CAMK2G: variants seen among roughly 807,000 people sequenced by gnomAD.
CAMK2G encodes calcium/calmodulin dependent protein kinase II gamma, also known as calcium/calmodulin-dependent protein kinase type II subunit gamma.
CAMK2G carries 23 observed loss-of-function variants against 88.7 expected under a neutral mutation model. The observed-to-expected ratio is 0.26, with a 90% CI of 0.19 to 0.37. The LOEUF (loss-of-function observed/expected upper bound fraction) is 0.37. CAMK2G is among the 10% of genes least tolerant of loss of function. The pLI is 1.00. For missense variants in CAMK2G, 476 were observed against 780.8 expected (o/e 0.61, Z 4.65); for synonymous variants, 263 against 294.8 (o/e 0.89, Z 1.11).
rs1457870172 is a variant in CAMK2G, at chr10:73,842,301, G to A, written c.904-90C>T. ...CAAAGGCAGGTCCTGGCTAGAGCCT[G>A]AAGACATCAGGCCTCTGGGCCCCCT... On this transcript the variant is annotated intron_variant, in intron 11 of 22. Coordinates refer to ENST00000423381, the MANE Select transcript of CAMK2G (RefSeq NM_001367534.1). This position sits in a 1 kb window ranked among gnomAD's most constrained non-coding sequence, Gnocchi z 4.6. 1.6e-6 allele frequency: 2 copies of A among 1,229,796 alleles called. No individual in the cohort carries two copies. The highest frequency in any genetic ancestry group is 1.5e-5 in the African/African-American group (1 of 67,384). The allele number at this position is 1,229,796 out of a possible 1,614,324, so 76.2% of individuals were successfully genotyped here.
At chr10:73,831,673 T>C (rs2092468922) in intron 14 of CAMK2G, among the ~76,000 whole-genome samples, 1 of 148,248 alleles carries the variant, frequency 6.7e-6, no homozygotes, top group Admixed American at 6.8e-5. Context: ...AGTTCAAGAC[T>C]AGCCTGGGCA....
intron 10 of CAMK2G, among the ~76,000 whole-genome samples, chr10:73,843,555 G>C (rs985275134): frequency 3.3e-5 from 5 of 152,084 alleles, no homozygotes; most frequent in African/African-American, 1.2e-4. Context: ...GGTAGGGCCT[G>C]CAAAAATGAC....
intron 1 of CAMK2G, chr10:73,873,512 G>A (rs977429144): frequency 3.0e-6 from 3 of 1,013,404 alleles, no homozygotes; most frequent in Admixed American, 5.3e-5. Context: ...ATTAAAAAGA[G>A]GGTATCATCC....
intron 2 of CAMK2G, among the ~76,000 whole-genome samples, chr10:73,872,696 T>C (rs966556851): frequency 6.6e-6 from 1 of 152,180 alleles, no homozygotes; most frequent in Non-Finnish European, 1.5e-5. Context: ...CCCCATTCTG[T>C]ACCACCCACT....
intron 14 of CAMK2G, among the ~76,000 whole-genome samples, chr10:73,836,498 A>G (rs796844562): frequency 1.3e-5 from 2 of 152,294 alleles, no homozygotes; most frequent in African/African-American, 4.8e-5. Context: ...CCCCAGCTCC[A>G]TGTCAGAGGG....
At chr10:73,873,212 C>A in intron 1 of CAMK2G, 129 bp from the exon 2 acceptor site, 1 of 950,328 alleles carries the variant, frequency 1.1e-6, no homozygotes, top group South Asian at 1.4e-5. Flanking sequence ...TGCACACACA[C>A]CGGCGCTGTG....
chr10:73,816,547 G>C (rs2085567075), intron 21 of CAMK2G: 1 of 706,770 alleles, frequency 1.4e-6, no homozygotes, highest in African/African-American at 1.9e-5. Context: ...TGCAAGCTCT[G>C]CCTCCCAGGT....
intron 21 of CAMK2G, 166 bp downstream of exon 21, chr10:73,816,857 T>C (rs1299266159): frequency 6.3e-7 from 1 of 1,593,614 alleles, no homozygotes; most frequent in East Asian, 2.3e-5. Context: ...CAAAGGTGCC[T>C]GTCTACAACC....
chr10:73,864,932 C>T (rs1286377002), intron 2 of CAMK2G, among the ~76,000 whole-genome samples: 2 of 152,134 alleles, frequency 1.3e-5, no homozygotes, highest in African/African-American at 4.8e-5. Context: ...GCGTGAGCCA[C>T]GGCACCCGGC....
chr10:73,833,843 C>T (rs1681567745), intron 14 of CAMK2G, among the ~76,000 whole-genome samples: 1 of 151,342 alleles, frequency 6.6e-6, no homozygotes, highest in South Asian at 2.1e-4. Flanking sequence ...AAGTGATCAG[C>T]CCACCTCAGC....
chr10:73,850,172 T>A (rs989617541), intron 5 of CAMK2G, among the ~76,000 whole-genome samples: 5 of 152,074 alleles, frequency 3.3e-5, no homozygotes, highest in Non-Finnish European at 4.4e-5. Context: ...ATTTTTGTAT[T>A]TTTTTGTGGA....
chr10:73,873,414 G>A, intron 1 of CAMK2G: 3 of 1,189,628 alleles, frequency 2.5e-6, no homozygotes, highest in Non-Finnish European at 3.2e-6. Context: ...ACAGCCCTGC[G>A]GTCCCGGCCA....
intron 2 of CAMK2G, among the ~76,000 whole-genome samples, chr10:73,866,510 G>T (rs1322169952): frequency 3.0e-4 from 46 of 151,998 alleles, no homozygotes; most frequent in Non-Finnish European, 4.4e-5. Context: ...ATAAGATCCT[G>T]CTGCCACGTA....
chr10:73,873,966 G>GC (rs887221150), intron 1 of CAMK2G, among the ~76,000 whole-genome samples: 2 of 150,562 alleles, frequency 1.3e-5, no homozygotes, highest in African/African-American at 2.4e-5. Flanking sequence ...GCGCCAAACA[G>GC]CCCCCCCACG....
At chr10:73,843,103 C>T (rs1023731796) in intron 10 of CAMK2G, among the ~76,000 whole-genome samples, 10 of 150,594 alleles carry the variant, frequency 6.6e-5, no homozygotes, top group African/African-American at 1.5e-4. Context: ...AATGGAGTCT[C>T]GCTTTGTCAG....
At chr10:73,847,117 G>A in intron 10 of CAMK2G, 108 bp downstream of exon 10, 3 of 1,193,940 alleles carry the variant, frequency 2.5e-6, no homozygotes, top group Non-Finnish European at 3.7e-6. Context: ...CTCAGTTATT[G>A]CTTGGGGCCC....
intron 17 of CAMK2G, among the ~76,000 whole-genome samples, chr10:73,823,399 A>G (rs1450869453): frequency 1.3e-5 from 2 of 152,072 alleles, no homozygotes; most frequent in African/African-American, 4.8e-5. Context: ...GTATTTTAGT[A>G]GAGACAGGGT....
At chr10:73,815,725 G>A (rs2085240667) in intron 21 of CAMK2G, 1 of 816,128 alleles carries the variant, frequency 1.2e-6, no homozygotes, top group Non-Finnish European at 1.5e-6. Flanking sequence ...ACAAAATCAT[G>A]AACTTAAACC....
At chr10:73,853,070 C>A in intron 4 of CAMK2G, 122 bp downstream of exon 4, 1 of 886,384 alleles carries the variant, frequency 1.1e-6, no homozygotes, top group Non-Finnish European at 1.8e-6. Context: ...CAAATCCTTT[C>A]CCTCGGACAA....
Sources: gnomAD v4.1 joint callset for allele counts (sites outside exome capture counted in the v4.1 genomes callset) on GRCh38, gnomAD v4.1.1 for gene constraint, Gnocchi (gnomAD v3.1) non-coding constraint, MANE v1.5 for transcripts, NCBI Gene and HGNC (gene_info 2026-07-23, HGNC 2026-07-21) for gene names.